Variants in PTGR2 observed in about 807,000 individuals in gnomAD.
PTGR2 encodes the protein prostaglandin reductase 2.
A neutral mutation model predicts 43.4 loss-of-function variants in PTGR2; 32 were observed. The ratio of observed to expected loss-of-function variants is 0.74; its 90% confidence interval spans 0.56 to 0.99. The LOEUF (loss-of-function observed/expected upper bound fraction) is 0.99. Among genes scored for constraint, PTGR2 ranks in the 50% least tolerant of loss-of-function variants. The pLI is 0.00. For synonymous variants in PTGR2, 106 were observed against 139.2 expected (o/e 0.76, Z 1.68); for missense variants, 373 against 420.0 (o/e 0.89, Z 0.98).
rs775406059 is a variant in PTGR2, at chr14:73,877,078, G to C, written c.429G>C (p.Gly143=). 1 of 1,613,620 alleles carries C rather than the reference G, an allele frequency of 6.2e-7. No individual in the cohort carries two copies. The highest frequency in any genetic ancestry group is 8.5e-7 in the Non-Finnish European group (1 of 1,179,648). ...TGCCTGGTTTGACTTCCTTGATTGG[G>C]ATACAGGAAAAAGGTCATATAACTG... ...IGMPGLTSLI[G]IQEKGHITAG... is the part of the protein sequence containing the mutation. Residue 143 remains glycine (G), a synonymous_variant, in exon 5 of 10, where the codon GGG becomes GGC. Transcript: ENST00000555661.
intron 1 of PTGR2, among the ~76,000 whole-genome samples, chr14:73,854,363 A>G (rs2054297437): frequency 6.6e-6 from 1 of 152,230 alleles, no homozygotes; most frequent in Admixed American, 6.5e-5. Flanking sequence ...CAGCCTCCCA[A>G]AGTGCTAGGA....
chr14:73,862,309 G>A (rs1461982195), intron 3 of PTGR2, among the ~76,000 whole-genome samples: 3 of 152,044 alleles, frequency 2.0e-5, no homozygotes, highest in South Asian at 2.1e-4. Flanking sequence ...CCGGGTTCAC[G>A]CCATTCTCCT....
chr14:73,879,024 T>G (rs2054922611), intron 5 of PTGR2, 72 bp from the exon 6 acceptor site: 3 of 1,237,964 alleles, frequency 2.4e-6, no homozygotes, highest in Non-Finnish European at 3.5e-6. Context: ...CTGTAATATC[T>G]TGTATACTGG....
chr14:73,875,019 C>T (rs1469610270), intron 4 of PTGR2, among the ~76,000 whole-genome samples: 5 of 152,106 alleles, frequency 3.3e-5, no homozygotes, highest in African/African-American at 1.2e-4. Flanking sequence ...CCACCACGCC[C>T]AGCTAATTTT....
chr14:73,879,959 G>T, intron 6 of PTGR2, 96 bp from the exon 7 acceptor site: 1 of 1,269,242 alleles, frequency 7.9e-7, no homozygotes. Flanking sequence ...CTAGTTGACA[G>T]AAAGGATTAA....
intron 3 of PTGR2, among the ~76,000 whole-genome samples, chr14:73,867,603 C>A (rs1249309014): frequency 6.6e-6 from 1 of 152,040 alleles, no homozygotes; most frequent in Non-Finnish European, 1.5e-5. Context: ...AACTTCAAAG[C>A]AAAAACAAAA....
intron 3 of PTGR2, among the ~76,000 whole-genome samples, chr14:73,866,695 A>T (rs62003698): frequency 6.6e-6 from 1 of 151,976 alleles, no homozygotes; most frequent in Admixed American, 6.6e-5. Flanking sequence ...TGTTTCTAGA[A>T]GAGATTAGCT....
At chr14:73,857,407 G>A (rs1385182362) in intron 1 of PTGR2, among the ~76,000 whole-genome samples, 1 of 151,790 alleles carries the variant, frequency 6.6e-6, no homozygotes, top group Non-Finnish European at 1.5e-5. Flanking sequence ...GAGGTCAGGA[G>A]TTCAAGACCC....
chr14:73,852,828 T>G (rs188321471), intron 1 of PTGR2, among the ~76,000 whole-genome samples: 3 of 151,764 alleles, frequency 2.0e-5, no homozygotes, highest in Admixed American at 6.6e-5. Flanking sequence ...ACACGTGGTT[T>G]GTTTGTTTGT....
intron 3 of PTGR2, among the ~76,000 whole-genome samples, chr14:73,864,164 A>G (rs1314326636): frequency 6.6e-6 from 1 of 152,226 alleles, no homozygotes; most frequent in South Asian, 2.1e-4. Context: ...GTTACATTGT[A>G]TGGATACAGT....
chr14:73,853,391 C>T (rs8020698), intron 1 of PTGR2, among the ~76,000 whole-genome samples: 72,834 of 151,398 alleles, frequency 0.48, 17,872 homozygotes, highest in South Asian at 0.61. Context: ...GGCGTGATCT[C>T]GGCTCACTGC....
At chr14:73,880,899 C>T (rs957300768) in intron 7 of PTGR2, among the ~76,000 whole-genome samples, 3 of 152,116 alleles carry the variant, frequency 2.0e-5, no homozygotes, top group Non-Finnish European at 2.9e-5. Flanking sequence ...CAGGTTCAAG[C>T]GATTCTCCTG....
rs1566642591 is a variant in PTGR2 at position 73,880,137 on chromosome 14, C to T, written c.812C>T (p.Pro271Leu). ...KDVPYPPPLSPAIEAIQKERN... is the reference protein window; with the variant it reads ...KDVPYPPPLSLAIEAIQKERN... ...GTGCCTTATCCTCCCCCGCTATCCC[C>T]TGCTATAGAGGCAATCCAGAAAGAA... The change falls in exon 7 of 10, where the codon CCT (proline) becomes CTT (leucine). Residue 271 changes from proline to leucine, a missense_variant. Coordinates refer to ENST00000555661, the MANE Select transcript of PTGR2 (RefSeq NM_001146154.2). The T allele has an allele frequency of 6.2e-7, 1 of 1,613,984 alleles. No individual in the cohort carries two copies. Among genetic ancestry groups the T allele is most frequent in the Non-Finnish European group, 8.5e-7 (1 of 1,179,916 alleles).
chr14:73,853,717 A>T (rs1301253480), intron 1 of PTGR2, among the ~76,000 whole-genome samples: 1 of 152,148 alleles, frequency 6.6e-6, no homozygotes, highest in Non-Finnish European at 1.5e-5. Context: ...AGGCTAGTGA[A>T]TGAGTCTGTG....
Position 73,869,601 on chromosome 14 carries a change from CA to C in PTGR2, c.157-4419del, listed in dbSNP as rs1340837647. Among the ~76,000 whole-genome samples, 5 of 149,412 alleles carry C rather than the reference CA, an allele frequency of 3.3e-5. No homozygotes were observed. The East Asian group carries it at 9.8e-4, about 29-fold the overall frequency. Reference sequence around the variant, plus strand: ...AAAAAAAAAAAAAAGTTTATGAAAACAAAGTTCGTATTTATCACTGTATCTC... The same window carrying C: ...AAAAAAAAAAAAAAGTTTATGAAAACAAGTTCGTATTTATCACTGTATCTC... On this transcript the variant is annotated intron_variant, in intron 3 of 9. Coordinates refer to ENST00000555661, the MANE Select transcript of PTGR2 (RefSeq NM_001146154.2).
Position 73,858,853 on chromosome 14 carries a change from A to G in PTGR2, c.-10A>G. 6.2e-7 allele frequency: 1 copy of G among 1,609,644 alleles called. No homozygotes were observed. The highest frequency in any genetic ancestry group is 8.5e-7 in the Non-Finnish European group (1 of 1,177,172). Reference sequence around the variant, plus strand: ...CAGAAATCTTGTGAAACCACTGCCCAACCAGAGCAATGATTGTTCAAAGAG... The same window carrying G: ...CAGAAATCTTGTGAAACCACTGCCCGACCAGAGCAATGATTGTTCAAAGAG... On this transcript the variant is annotated 5_prime_UTR_variant, in exon 2 of 10. Coordinates refer to ENST00000555661, the MANE Select transcript of PTGR2 (RefSeq NM_001146154.2).
intron 2 of PTGR2, among the ~76,000 whole-genome samples, chr14:73,859,495 A>C (rs2054436401): frequency 6.6e-6 from 1 of 152,068 alleles, no homozygotes; most frequent in South Asian, 2.1e-4. Context: ...AGTACCTTCT[A>C]GTGGTAACCT....
At chr14:73,859,590 A>G (rs1566634788) in intron 2 of PTGR2, among the ~76,000 whole-genome samples, 2 of 151,396 alleles carry the variant, frequency 1.3e-5, no homozygotes, top group Non-Finnish European at 2.9e-5. Context: ...TATTACTTTT[A>G]TATTCGTTTA....
intron 3 of PTGR2, among the ~76,000 whole-genome samples, chr14:73,867,585 A>G (rs1489517652): frequency 1.3e-5 from 2 of 152,158 alleles, no homozygotes; most frequent in African/African-American, 2.4e-5. Flanking sequence ...TTCACTTCGA[A>G]CACTCCCAAC....
Sources: allele counts gnomAD v4.1 joint callset (sites outside exome capture counted in the v4.1 genomes callset), GRCh38; gene constraint gnomAD v4.1.1; transcripts MANE v1.5; gene names NCBI Gene and HGNC (gene_info 2026-07-23, HGNC 2026-07-21).